Variants in ERCC6L2 observed in about 807,000 individuals in gnomAD.
The protein encoded by ERCC6L2 is ERCC excision repair 6 like 2, also known as DNA excision repair protein ERCC-6-like 2.
In ERCC6L2, 77 loss-of-function variants were observed where a neutral mutation model predicts 132.0. The ratio of observed to expected loss-of-function variants is 0.58; its 90% CI spans 0.49 to 0.71. The LOEUF (loss-of-function observed/expected upper bound fraction) is 0.71, where lower values mean the gene tolerates loss of function less well. ERCC6L2 is among the 30% of genes least tolerant of loss of function. The pLI, the probability that ERCC6L2 is intolerant of heterozygous loss-of-function variation, is 0.00. For synonymous variants in ERCC6L2, 583 were observed against 632.4 expected, an observed-to-expected ratio of 0.92 and a Z score of 1.17; for missense variants, 1,542 against 1,837.6, an observed-to-expected ratio of 0.84 and a Z score of 2.94.
At position 95,921,330 on chromosome 9, in the gene ERCC6L2, A is replaced by G; in HGVS notation, c.1299+15A>G. 2.5e-6 allele frequency: 4 copies of G among 1,602,126 alleles called. No homozygotes were observed. Among genetic ancestry groups the G allele is most frequent in the Non-Finnish European group, 2.6e-6 (3 of 1,173,636 alleles). On this transcript the variant is annotated intron_variant, in intron 7 of 18. Transcript: ENST00000653738. ...GTTGTTATAAGGCAAGCATTTCAATATATCTTTATAATCATGCTTTTGATT... is the reference window on the plus strand; with the variant it reads ...GTTGTTATAAGGCAAGCATTTCAATGTATCTTTATAATCATGCTTTTGATT...
intron 17 of ERCC6L2, among the ~76,000 whole-genome samples, chr9:95,997,490 CATT>C (rs1259230319): frequency 1.3e-5 from 2 of 152,200 alleles, no homozygotes; most frequent in Non-Finnish European, 2.9e-5. Flanking sequence ...ATGCTGTGAA[CATT>C]GTTGAAATAG....
chr9:96,028,772 TACC>T (rs1834415160), intron 19 of ERCC6L2, among the ~76,000 whole-genome samples: 1 of 152,214 alleles, frequency 6.6e-6, no homozygotes, highest in Admixed American at 6.5e-5. Context: ...GTGAAGGGAT[TACC>T]ATTCCAAACT....
intron 17 of ERCC6L2, among the ~76,000 whole-genome samples, chr9:95,992,507 A>C (rs1833337379): frequency 6.6e-6 from 1 of 152,252 alleles, no homozygotes; most frequent in Non-Finnish European, 1.5e-5. Flanking sequence ...ATGTCAGAAT[A>C]GAAGAGAGTA....
chr9:95,953,104 TAC>T (rs1487084469), intron 12 of ERCC6L2, among the ~76,000 whole-genome samples: 1 of 152,116 alleles, frequency 6.6e-6, no homozygotes, highest in African/African-American at 2.4e-5. Flanking sequence ...GTTTAATGAG[TAC>T]AGAGTTTCAG....
chr9:96,006,201 G>C (rs1833857440), intron 18 of ERCC6L2, among the ~76,000 whole-genome samples: 1 of 152,118 alleles, frequency 6.6e-6, no homozygotes, highest in Non-Finnish European at 1.5e-5. Flanking sequence ...CCTAGAAATA[G>C]AGCACAGAGA....
intron 12 of ERCC6L2, among the ~76,000 whole-genome samples, chr9:95,954,327 A>G (rs1488938302): frequency 6.6e-6 from 1 of 152,150 alleles, no homozygotes; most frequent in African/African-American, 2.4e-5. Context: ...GAGACATATT[A>G]TTTATCCCAG....
intron 19 of ERCC6L2, among the ~76,000 whole-genome samples, chr9:96,029,685 G>T (rs994774475): frequency 6.6e-6 from 1 of 152,226 alleles, no homozygotes; most frequent in Non-Finnish European, 1.5e-5. Context: ...CTTCACGTCT[G>T]TTTGGTTCTC....
At chr9:95,894,951 A>G (rs534242765) in intron 2 of ERCC6L2, among the ~76,000 whole-genome samples, 2 of 152,294 alleles carry the variant, frequency 1.3e-5, no homozygotes, top group African/African-American at 2.4e-5. Context: ...ACTGCTTTGC[A>G]GTAGTGTGCA....
intron 11 of ERCC6L2, among the ~76,000 whole-genome samples, chr9:95,929,989 A>G (rs1830267678): frequency 6.6e-6 from 1 of 152,190 alleles, no homozygotes; most frequent in Admixed American, 6.5e-5. Flanking sequence ...AGAAACTGCT[A>G]TTTAACCTAT....
At chr9:95,925,903 A>G (rs1296406056) in intron 9 of ERCC6L2, among the ~76,000 whole-genome samples, 4 of 152,212 alleles carry the variant, frequency 2.6e-5, no homozygotes, top group Admixed American at 2.6e-4. Context: ...AAAGCAAACA[A>G]TCCAATTGAA....
chr9:95,880,687 A>G (rs900559685), intron 1 of ERCC6L2, among the ~76,000 whole-genome samples, 182 bp from the exon 2 acceptor site: 4 of 152,178 alleles, frequency 2.6e-5, no homozygotes, highest in Non-Finnish European at 4.4e-5. Context: ...TATTCTGTTT[A>G]TTATAGGAGA....
At chr9:95,952,653 G>C (rs138034044) in intron 12 of ERCC6L2, among the ~76,000 whole-genome samples, 1 of 152,202 alleles carries the variant, frequency 6.6e-6, no homozygotes, top group East Asian at 1.9e-4. Context: ...GACCAACATG[G>C]TGAAACCACA....
intron 18 of ERCC6L2, among the ~76,000 whole-genome samples, chr9:96,010,535 C>G (rs930467977): frequency 1.3e-5 from 2 of 152,178 alleles, no homozygotes; most frequent in African/African-American, 2.4e-5. Context: ...GCAGTTTCTC[C>G]TGCCCCTCTG....
downstream of ERCC6L2, among the ~76,000 whole-genome samples, chr9:96,022,074 A>G (rs935359345): frequency 6.6e-6 from 1 of 152,128 alleles, no homozygotes; most frequent in Non-Finnish European, 1.5e-5. Context: ...GCCCCCGGCC[A>G]AGTGGCCGCT....
intron 16 of ERCC6L2, among the ~76,000 whole-genome samples, chr9:95,977,204 A>G (rs372193407): frequency 1.3e-5 from 2 of 151,864 alleles, no homozygotes; most frequent in African/African-American, 2.4e-5. Context: ...AGGTTTTGAA[A>G]CTGTGTGCCA....
intron 18 of ERCC6L2, among the ~76,000 whole-genome samples, chr9:96,010,230 G>A (rs993782552): frequency 1.3e-5 from 2 of 152,200 alleles, no homozygotes; most frequent in African/African-American, 4.8e-5. Context: ...AGCATGTATA[G>A]TATCTGGATT....
Position 95,934,773 on chromosome 9 carries a change from C to T in ERCC6L2, c.1751+5909C>T, listed in dbSNP as rs1325582541. The stretch of plus-strand genomic sequence containing the variant: ...ACCATACTGCAAAAGTAAAATTTTC[C>T]AGATGATATAAGTACCTCTAGGTAG... On this transcript the variant is annotated intron_variant, in intron 11 of 18. Coordinates refer to ENST00000653738, the MANE Select transcript of ERCC6L2 (RefSeq NM_020207.7). Among the ~76,000 whole-genome samples the T allele has an allele frequency of 2.6e-5, 4 of 152,076 alleles. No homozygotes were observed. In the East Asian group the frequency reaches 7.7e-4, roughly 29 times the overall value.
At chr9:95,878,022 AGAGAATAAT>A (rs1827381813) in intron 1 of ERCC6L2, among the ~76,000 whole-genome samples, 2 of 152,334 alleles carry the variant, frequency 1.3e-5, no homozygotes, top group South Asian at 4.1e-4. Context: ...ATGATGAGAT[AGAGAATAAT>A]GGGTACCCTA....
At chr9:96,031,088 C>T (rs1834453321) in intron 19 of ERCC6L2, among the ~76,000 whole-genome samples, 1 of 152,208 alleles carries the variant, frequency 6.6e-6, no homozygotes, top group Non-Finnish European at 1.5e-5. Context: ...TAAAGCACTG[C>T]ATTCATGTCA....
Sources: allele counts gnomAD v4.1 joint callset (sites outside exome capture counted in the v4.1 genomes callset), GRCh38; gene constraint gnomAD v4.1.1; transcripts MANE v1.5; gene names NCBI Gene and HGNC (gene_info 2026-07-23, HGNC 2026-07-21).